The following FAM184A variants were observed in gnomAD, a reference collection of about 807,000 sequenced individuals.
FAM184A encodes the protein family with sequence similarity 184 member A.
Under a neutral mutation model 143.8 loss-of-function variants are expected in FAM184A, and 99 were observed. That is an observed-to-expected ratio of 0.69 (90% confidence interval 0.58 to 0.81). FAM184A has a LOEUF of 0.81. FAM184A is among the 40% of genes least tolerant of loss of function. The pLI is 0.00. For synonymous variants in FAM184A, 427 were observed against 446.4 expected, an observed-to-expected ratio of 0.96 and a Z score of 0.55; for missense variants, 1,217 against 1,310.5, an observed-to-expected ratio of 0.93 and a Z score of 1.10.
chr6:119,072,239 G>A (rs1298269807), intron 1 of FAM184A, among the ~76,000 whole-genome samples: 1 of 152,118 alleles, frequency 6.6e-6, no homozygotes, highest in Non-Finnish European at 1.5e-5. Context: ...TTAATTAACA[G>A]GATACTATGC....
At chr6:119,117,039 C>G (rs1027934799) in intron 1 of FAM184A, among the ~76,000 whole-genome samples, 7 of 152,166 alleles carry the variant, frequency 4.6e-5, no homozygotes, top group African/African-American at 1.7e-4. Flanking sequence ...TTATTCAGGT[C>G]TCAGGAGAAT....
intron 1 of FAM184A, among the ~76,000 whole-genome samples, chr6:119,074,142 G>C (rs1181857582): frequency 6.6e-6 from 1 of 152,202 alleles, no homozygotes; most frequent in Non-Finnish European, 1.5e-5. Flanking sequence ...GGCTACAAAA[G>C]CACTGAAACT....
At chr6:119,098,913 C>G (rs1397804472) in intron 1 of FAM184A, among the ~76,000 whole-genome samples, 1 of 152,050 alleles carries the variant, frequency 6.6e-6, no homozygotes, top group Non-Finnish European at 1.5e-5. Flanking sequence ...AGTGGGAGAC[C>G]GGCCTGACCA....
At chr6:119,048,750 G>A (rs1004678346) in intron 1 of FAM184A, among the ~76,000 whole-genome samples, 16 of 152,242 alleles carry the variant, frequency 1.1e-4, no homozygotes, top group Non-Finnish European at 1.6e-4. Flanking sequence ...TAGAATGATG[G>A]TTACCAGAGG....
In FAM184A at chr6:119,012,539, C is replaced by T. The variant is rs190111622; in HGVS notation, c.1531-1108G>A. Among the ~76,000 whole-genome samples the T allele has an allele frequency of 2.6e-5, 4 of 152,338 alleles. No individual in the cohort carries two copies. In the East Asian group the frequency reaches 5.8e-4, roughly 22 times the overall value. On this transcript the variant is annotated intron_variant, in intron 5 of 17. Transcript: ENST00000338891. ...GTCCTTATACAAGACAGGCTGAATACCTCCAGCAACCTGTGACAATTTGTG... is the reference window on the plus strand; with the variant it reads ...GTCCTTATACAAGACAGGCTGAATATCTCCAGCAACCTGTGACAATTTGTG...
intron 9 of FAM184A, among the ~76,000 whole-genome samples, chr6:118,992,046 G>A (rs950599626): frequency 2.0e-5 from 3 of 152,020 alleles, no homozygotes; most frequent in African/African-American, 2.4e-5. Context: ...TTACAGGTAT[G>A]AGCCAGCGCA....
At chr6:119,035,912 C>A (rs946607288) in intron 1 of FAM184A, among the ~76,000 whole-genome samples, 4 of 152,174 alleles carry the variant, frequency 2.6e-5, no homozygotes, top group African/African-American at 9.7e-5. Context: ...TATAGCCCGA[C>A]CACCTTGGGC....
chr6:118,965,977 G>C (rs2114539617), intron 15 of FAM184A, among the ~76,000 whole-genome samples: 1 of 152,246 alleles, frequency 6.6e-6, no homozygotes, highest in African/African-American at 2.4e-5. Flanking sequence ...AAAATTGGGT[G>C]GCTGGTGGAT....
intron 1 of FAM184A, among the ~76,000 whole-genome samples, chr6:119,075,939 T>C (rs1787857089): frequency 1.3e-5 from 2 of 152,348 alleles, no homozygotes; most frequent in Middle Eastern, 6.8e-3. Context: ...CAGAGTCCTA[T>C]TATCAAACTG....
At chr6:119,063,083 A>AC (rs938368754) in intron 1 of FAM184A, among the ~76,000 whole-genome samples, 31 of 152,028 alleles carry the variant, frequency 2.0e-4, no homozygotes, top group African/African-American at 4.3e-4. Context: ...AAAAGGTGAA[A>AC]CCCCCCCACC....
chr6:118,994,030 G>A (rs939791281), intron 9 of FAM184A, among the ~76,000 whole-genome samples: 1 of 152,134 alleles, frequency 6.6e-6, no homozygotes, highest in South Asian at 2.1e-4. Flanking sequence ...CAGGGGCTGT[G>A]CACACACTGC....
At chr6:119,146,218 A>G (rs771724203) in intron 1 of FAM184A, among the ~76,000 whole-genome samples, 5 of 152,192 alleles carry the variant, frequency 3.3e-5, no homozygotes, top group Non-Finnish European at 2.9e-5. Context: ...AAAGGAAAAC[A>G]TTGAGGAACT....
At chr6:119,066,040 C>T (rs1318661040) in intron 1 of FAM184A, among the ~76,000 whole-genome samples, 1 of 152,174 alleles carries the variant, frequency 6.6e-6, no homozygotes, top group African/African-American at 2.4e-5. Context: ...TTATCCATCC[C>T]ATGTGTACAG....
Position 119,078,029 on chromosome 6 carries a change from GGAGTA to G in FAM184A, c.159+107_159+111del. 8.0e-7 allele frequency: 1 copy of G among 1,252,490 alleles called. No individual in the cohort carries two copies. The highest frequency in any genetic ancestry group is 1.1e-6 in the Non-Finnish European group (1 of 924,890). The allele number at this position is 1,252,490 out of a possible 1,614,324, so 77.6% of individuals were successfully genotyped here. ...TGTCTCCGGCTGTTGCTTCGGCGGA[GGAGTA>G]GAGTTCCCCTCGCTGCGGGCGCAGG... On this transcript the variant is annotated intron_variant, in intron 1 of 17. Transcript: ENST00000338891. The surrounding 1 kb of genome is among the most constrained non-coding windows in gnomAD (Gnocchi z 5.5).
At chr6:119,016,312 T>A (rs868604092) in intron 5 of FAM184A, among the ~76,000 whole-genome samples, 9 of 152,100 alleles carry the variant, frequency 5.9e-5, no homozygotes, top group Non-Finnish European at 1.0e-4. Flanking sequence ...CTGTGGAAGC[T>A]TTGTTCTTTC....
chr6:119,032,824 G>A (rs936644768), intron 1 of FAM184A, among the ~76,000 whole-genome samples: 5 of 152,202 alleles, frequency 3.3e-5, no homozygotes, highest in Non-Finnish European at 7.3e-5. Context: ...TAAACAAAGA[G>A]AATGTTTGTA....
At position 119,024,453 on chromosome 6, in the gene FAM184A, G is replaced by A. The variant is rs751377278; in HGVS notation, c.520C>T (p.Gln174Ter). The change falls in exon 2 of 18, where the codon CAA becomes TAA. Residue 174 changes from glutamine to a stop codon, truncating the protein, a stop_gained. Coordinates refer to ENST00000338891, the MANE Select transcript of FAM184A (RefSeq NM_024581.6). LOFTEE classifies it high-confidence loss of function. ...TCTTTTTCAAACTGTACTTGAAGTTGTCCAAAGCTCCGTAATTTTTCTTCA... is the reference window on the plus strand; with the variant it reads ...TCTTTTTCAAACTGTACTTGAAGTTATCCAAAGCTCCGTAATTTTTCTTCA... ...KFEEKLRSFG[Q>*]LQVQFEKDKR... The A allele has an allele frequency of 6.2e-7, 1 of 1,613,898 alleles. No individual in the cohort carries two copies. Among genetic ancestry groups the A allele is most frequent in the Non-Finnish European group, 8.5e-7 (1 of 1,179,980 alleles).
chr6:119,096,164 A>C (rs9401121), intron 1 of FAM184A, among the ~76,000 whole-genome samples: 95,607 of 151,980 alleles, frequency 0.63, 30,749 homozygotes, highest in East Asian at 0.96. Context: ...GTATTCTGAT[A>C]AGTGGCTTGA....
intron 1 of FAM184A, among the ~76,000 whole-genome samples, chr6:119,097,609 C>T (rs990938850): frequency 2.0e-5 from 3 of 152,140 alleles, no homozygotes; most frequent in Non-Finnish European, 2.9e-5. Flanking sequence ...TGCTAAGTGG[C>T]CGAAACAATA....
Sources: gnomAD v4.1 joint callset for allele counts (sites outside exome capture counted in the v4.1 genomes callset) on GRCh38, gnomAD v4.1.1 for gene constraint, Gnocchi (gnomAD v3.1) non-coding constraint, MANE v1.5 for transcripts, NCBI Gene and HGNC (gene_info 2026-07-23, HGNC 2026-07-21) for gene names.